The following COL25A1 variants were observed in gnomAD, a reference collection of about 807,000 sequenced individuals.
COL25A1 encodes collagen type XXV alpha 1 chain.
A neutral mutation model predicts 128.4 loss-of-function variants in COL25A1; 103 were observed. The observed-to-expected ratio is 0.80, with a 90% CI of 0.68 to 0.94. The LOEUF (loss-of-function observed/expected upper bound fraction) is 0.94. Ranked by LOEUF, COL25A1 falls within the 40% of genes least tolerant of loss-of-function variation. The probability of loss-of-function intolerance (pLI) is 0.00; values close to 1 mark genes in which losing one functional copy is unlikely to be tolerated. For synonymous variants in COL25A1, 279 were observed against 277.2 expected (o/e 1.01, Z -0.06); for missense variants, 745 against 840.0 (o/e 0.89, Z 1.40).
intron 22 of COL25A1, among the ~76,000 whole-genome samples, chr4:108,861,287 C>T (rs1314219178): frequency 1.3e-5 from 2 of 152,098 alleles, no homozygotes; most frequent in African/African-American, 2.4e-5. Context: ...TAAGCTTTTA[C>T]CTTGCAAATT....
rs1341332937 is a variant in COL25A1 at position 108,947,466 on chromosome 4, AAAG to A, written c.493-6032_493-6030del. 3.0e-4 allele frequency among the ~76,000 whole-genome samples: 45 copies of A among 151,978 alleles called. No individual in the cohort carries two copies. In the South Asian group the frequency reaches 9.4e-3, roughly 32 times the overall value. On this transcript the variant is annotated intron_variant, in intron 8 of 37. Transcript: ENST00000399132. ...TCAAAAAAAAAAGAAAAAGAAAAAGAAAGAAAAGAAAGAAAGAAAGGTGAGAAT... is the reference window on the plus strand; with the variant it reads ...TCAAAAAAAAAAGAAAAAGAAAAAGAAAAAGAAAGAAAGAAAGGTGAGAAT...
intron 24 of COL25A1, among the ~76,000 whole-genome samples, chr4:108,855,190 T>TG (rs1736332637): frequency 3.5e-5 from 2 of 57,660 alleles, no homozygotes; most frequent in Non-Finnish European, 7.1e-5. Flanking sequence ...CTGTTGTTAC[T>TG]GTTTTTTTTT....
chr4:109,181,356 A>G (rs962824045), intron 3 of COL25A1, among the ~76,000 whole-genome samples: 2 of 152,134 alleles, frequency 1.3e-5, no homozygotes, highest in Non-Finnish European at 2.9e-5. Flanking sequence ...CTAAATGGCG[A>G]CTATTTGATT....
At chr4:109,014,302 G>C (rs1024322704) in intron 5 of COL25A1, among the ~76,000 whole-genome samples, 10 of 110,064 alleles carry the variant, frequency 9.1e-5, no homozygotes, top group African/African-American at 4.7e-4. Flanking sequence ...GTGACACTCT[G>C]TCTCAAAAAA....
intron 3 of COL25A1, among the ~76,000 whole-genome samples, chr4:109,267,270 A>G (rs939908439): frequency 6.6e-6 from 1 of 152,154 alleles, no homozygotes; most frequent in Admixed American, 6.5e-5. Flanking sequence ...TCTCATTCCC[A>G]TAACTGGCAA....
intron 3 of COL25A1, among the ~76,000 whole-genome samples, chr4:109,211,464 ATGTTCCT>A (rs1777557021): frequency 1.3e-5 from 2 of 150,722 alleles, no homozygotes; most frequent in African/African-American, 4.9e-5. Context: ...ATGTTCCTTA[ATGTTCCT>A]TAATGTTCAT....
intron 8 of COL25A1, among the ~76,000 whole-genome samples, chr4:108,962,426 G>A (rs1478511040): frequency 3.3e-5 from 5 of 151,954 alleles, no homozygotes; most frequent in South Asian, 2.1e-4. Context: ...TGATCCACCC[G>A]CCTCGGCCTC....
At chr4:109,264,006 G>A (rs373976309) in intron 3 of COL25A1, among the ~76,000 whole-genome samples, 5 of 152,180 alleles carry the variant, frequency 3.3e-5, no homozygotes, top group African/African-American at 1.2e-4. Flanking sequence ...CAGACAAACT[G>A]TATAACAAGA....
Position 109,210,759 on chromosome 4 carries a change from C to T in COL25A1, c.367+89824G>A, listed in dbSNP as rs544941924. ...CATCACTCCATGTTCCAGCTGTTTC[C>T]CCTGTTCCTGGATAAAGCCTCCCAC... On this transcript the variant is annotated intron_variant, in intron 3 of 37. Transcript: ENST00000399132. Among the ~76,000 whole-genome samples the T allele has an allele frequency of 9.6e-4, 146 of 152,180 alleles. 1 individual carries two copies. Among genetic ancestry groups the T allele is most frequent in the African/African-American group, 3.4e-3 (141 of 41,538 alleles).
intron 3 of COL25A1, among the ~76,000 whole-genome samples, chr4:109,210,002 A>T (rs58194956): frequency 0.078 from 11,909 of 151,724 alleles, 919 homozygotes; most frequent in African/African-American, 0.2. Flanking sequence ...AGTGAGCCAA[A>T]TTAGCACCAC....
chr4:108,978,934 A>G (rs1350360217), intron 6 of COL25A1, among the ~76,000 whole-genome samples: 1 of 152,208 alleles, frequency 6.6e-6, no homozygotes, highest in Non-Finnish European at 1.5e-5. Context: ...AATAAGTAGG[A>G]ATATTTGATA....
intron 3 of COL25A1, among the ~76,000 whole-genome samples, chr4:109,240,696 G>A (rs753469194): frequency 1.3e-5 from 2 of 152,008 alleles, no homozygotes; most frequent in Non-Finnish European, 2.9e-5. Context: ...AGACCCCACT[G>A]ACAGAAAGAC....
intron 5 of COL25A1, among the ~76,000 whole-genome samples, chr4:109,037,052 C>CT (rs1223239821): frequency 6.6e-6 from 1 of 152,200 alleles, no homozygotes; most frequent in Non-Finnish European, 1.5e-5. Context: ...CTATAAAATC[C>CT]TTGTGCTCTG....
At chr4:108,853,326 T>C (rs907993467) in intron 24 of COL25A1, among the ~76,000 whole-genome samples, 4 of 152,104 alleles carry the variant, frequency 2.6e-5, no homozygotes, top group African/African-American at 9.7e-5. Context: ...TTGCATATTT[T>C]TTCTCTTTTA....
At chr4:109,085,867 C>T (rs17039769) in intron 3 of COL25A1, among the ~76,000 whole-genome samples, 35,065 of 152,002 alleles carry the variant, frequency 0.23, 5,213 homozygotes, top group African/African-American at 0.4. Context: ...ATAGCCTATA[C>T]GAATCTTTTA....
chr4:108,844,381 A>G (rs1578517908), intron 30 of COL25A1, 138 bp downstream of exon 30: 3 of 1,440,692 alleles, frequency 2.1e-6, no homozygotes, highest in Non-Finnish European at 2.9e-6. Flanking sequence ...ATATATCTCA[A>G]AGCACCTGGT....
At chr4:109,073,297 C>G (rs749664348) in intron 3 of COL25A1, among the ~76,000 whole-genome samples, 1 of 152,168 alleles carries the variant, frequency 6.6e-6, no homozygotes, top group Non-Finnish European at 1.5e-5. Context: ...GGCTGCTAAT[C>G]TTCCTTTAAA....
chr4:109,000,469 G>C (rs573946619), intron 6 of COL25A1, among the ~76,000 whole-genome samples: 2 of 152,238 alleles, frequency 1.3e-5, no homozygotes, highest in East Asian at 3.9e-4. Context: ...AAAAGTGCCA[G>C]ACTTGGTGGC....
intron 3 of COL25A1, among the ~76,000 whole-genome samples, chr4:109,051,616 T>TACAC (rs757614145): frequency 0.14 from 15,951 of 112,242 alleles, 954 homozygotes; most frequent in Middle Eastern, 0.19. Flanking sequence ...CAAACACACA[T>TACAC]ACATACACAC....
Sources: allele counts gnomAD v4.1 joint callset (sites outside exome capture counted in the v4.1 genomes callset), GRCh38; gene constraint gnomAD v4.1.1; transcripts MANE v1.5; gene names NCBI Gene and HGNC (gene_info 2026-07-23, HGNC 2026-07-21).